DSCAM: variants seen among roughly 807,000 people sequenced by gnomAD.
The protein encoded by DSCAM is DS cell adhesion molecule.
Under a neutral mutation model 217.7 loss-of-function variants are expected in DSCAM, and 47 were observed. That is an observed-to-expected ratio of 0.22 (90% CI 0.17 to 0.28). The LOEUF (loss-of-function observed/expected upper bound fraction) is 0.28. Among genes scored for constraint, DSCAM ranks in the 10% least tolerant of loss-of-function variants. The probability of loss-of-function intolerance (pLI) is 1.00; values close to 1 mark genes in which losing one functional copy is unlikely to be tolerated. For synonymous variants in DSCAM, 1,056 were observed against 1,015.3 expected (o/e 1.04, Z -0.76); for missense variants, 2,080 against 2,618.3 (o/e 0.79, Z 4.49).
chr21:40,601,757 T>C (rs1352912288), intron 3 of DSCAM, among the ~76,000 whole-genome samples: 1 of 152,194 alleles, frequency 6.6e-6, no homozygotes, highest in Admixed American at 6.5e-5. Flanking sequence ...TTTGCATCTG[T>C]TGTTATGATC....
intron 1 of DSCAM, among the ~76,000 whole-genome samples, chr21:40,845,167 T>A (rs2092134056): frequency 6.6e-6 from 1 of 152,228 alleles, no homozygotes; most frequent in South Asian, 2.1e-4. Context: ...GGGTGTCTTG[T>A]CAGAACTTGT....
At chr21:40,818,086 G>A (rs1221672592) in intron 1 of DSCAM, among the ~76,000 whole-genome samples, 2 of 101,926 alleles carry the variant, frequency 2.0e-5, no homozygotes, top group Non-Finnish European at 3.5e-5. Flanking sequence ...CTGGGCGACA[G>A]AGCGAGACTC....
intron 3 of DSCAM, among the ~76,000 whole-genome samples, chr21:40,668,158 T>C (rs1397115132): frequency 6.6e-6 from 1 of 152,134 alleles, no homozygotes; most frequent in African/African-American, 2.4e-5. Context: ...TGTCTGAAAA[T>C]GACTCGTTGC....
At chr21:40,055,603 T>C (rs1475529612) in intron 29 of DSCAM, 122 bp downstream of exon 29, 3 of 692,330 alleles carry the variant, frequency 4.3e-6, no homozygotes, top group Non-Finnish European at 7.7e-6. Flanking sequence ...CCTTCTAGCT[T>C]TGGTACTCAC....
At chr21:40,746,003 T>C (rs1283730940) in intron 1 of DSCAM, among the ~76,000 whole-genome samples, 1 of 151,966 alleles carries the variant, frequency 6.6e-6, no homozygotes, top group Non-Finnish European at 1.5e-5. Flanking sequence ...GTTTTAACTA[T>C]AACATGATTT....
intron 15 of DSCAM, among the ~76,000 whole-genome samples, chr21:40,174,908 C>G (rs1164666990): frequency 6.6e-6 from 1 of 152,198 alleles, no homozygotes; most frequent in African/African-American, 2.4e-5. Flanking sequence ...GCACCTCAAG[C>G]TCCAGATGCA....
At chr21:40,493,035 AT>A (rs1251918896) in intron 3 of DSCAM, among the ~76,000 whole-genome samples, 3 of 152,204 alleles carry the variant, frequency 2.0e-5, no homozygotes, top group Non-Finnish European at 4.4e-5. Context: ...CTAGCAGCAG[AT>A]TCCTCAGAAG....
intron 11 of DSCAM, among the ~76,000 whole-genome samples, chr21:40,231,010 CT>C (rs372643343): frequency 1.6e-3 from 218 of 137,494 alleles, no homozygotes; most frequent in Middle Eastern, 3.9e-3. Flanking sequence ...CTCGATTATG[CT>C]TTTTTTTTTT....
chr21:40,753,881 A>G (rs2091251379), intron 1 of DSCAM, among the ~76,000 whole-genome samples: 2 of 152,238 alleles, frequency 1.3e-5, no homozygotes, highest in Admixed American at 6.5e-5. Flanking sequence ...TGTCACGAAC[A>G]AAAACTTACA....
chr21:40,839,290 T>G (rs1274802341), intron 1 of DSCAM, among the ~76,000 whole-genome samples: 1 of 152,202 alleles, frequency 6.6e-6, no homozygotes, highest in Non-Finnish European at 1.5e-5. Flanking sequence ...ATGGAGGGAC[T>G]TGTGATAATC....
intron 9 of DSCAM, among the ~76,000 whole-genome samples, chr21:40,300,049 T>G (rs577738225): frequency 6.6e-6 from 1 of 151,568 alleles, no homozygotes; most frequent in African/African-American, 2.4e-5. Context: ...TGCTTGCTTA[T>G]TAAAGAGAGG....
chr21:40,393,185 G>C (rs2075149604), intron 3 of DSCAM, among the ~76,000 whole-genome samples: 1 of 152,250 alleles, frequency 6.6e-6, no homozygotes, highest in South Asian at 2.1e-4. Context: ...GCCAAAGAAA[G>C]GTAATGATTT....
Position 40,798,100 on chromosome 21 carries a change from C to G in DSCAM, c.43+48519G>C, listed in dbSNP as rs1601278142. ...GCCGCTTTAAGATGAATCAGACTATCAAGTTAGCCAGCAGATTTAGGGTCA... is the reference window on the plus strand; with the variant it reads ...GCCGCTTTAAGATGAATCAGACTATGAAGTTAGCCAGCAGATTTAGGGTCA... On this transcript the variant is annotated intron_variant, in intron 1 of 32. Coordinates refer to ENST00000400454, the MANE Select transcript of DSCAM (RefSeq NM_001389.5). Among the ~76,000 whole-genome samples, 3 of 151,994 alleles carry G rather than the reference C, an allele frequency of 2.0e-5. No homozygotes were observed. The South Asian group carries it at 6.2e-4, about 32-fold the overall frequency.
chr21:40,240,352 T>G (rs1331063807), intron 11 of DSCAM, among the ~76,000 whole-genome samples: 7 of 126,158 alleles, frequency 5.5e-5, no homozygotes, highest in African/African-American at 1.6e-4. Flanking sequence ...CTCACTGGTT[T>G]TTTTTTTTTT....
At chr21:40,324,103 C>CAAAAAAAAAAAAAAAAAAAAAAAA (rs71330393) in intron 8 of DSCAM, among the ~76,000 whole-genome samples, 1 of 27,938 alleles carries the variant, frequency 3.6e-5, no homozygotes, top group Non-Finnish European at 6.0e-5. Context: ...AACTCTGTCT[C>CAAAAAAAAAAAAAAAAAAAAAAAA]AAAAAAAAAA....
intron 8 of DSCAM, among the ~76,000 whole-genome samples, chr21:40,317,292 CTGA>C (rs1363567362): frequency 2.0e-5 from 3 of 152,190 alleles, no homozygotes; most frequent in African/African-American, 7.2e-5. Flanking sequence ...CTGACCCAGT[CTGA>C]TACAGTTCTC....
At position 40,389,459 on chromosome 21, in the gene DSCAM, T is replaced by C. The variant is rs556118704; in HGVS notation, c.509-20214A>G. 4.6e-5 allele frequency among the ~76,000 whole-genome samples: 7 copies of C among 152,306 alleles called. No homozygotes were observed. The East Asian group carries it at 9.7e-4, about 21-fold the overall frequency. On this transcript the variant is annotated intron_variant, in intron 3 of 32. Coordinates refer to ENST00000400454, the MANE Select transcript of DSCAM (RefSeq NM_001389.5). ...CCACTGTATTTGGCCAGTACCACAA[T>C]AGATTATAGAAAATCTATGCTGAAT...
chr21:40,250,336 G>T (rs1403517833), intron 11 of DSCAM, among the ~76,000 whole-genome samples: 1 of 152,106 alleles, frequency 6.6e-6, no homozygotes, highest in Non-Finnish European at 1.5e-5. Flanking sequence ...ATGAATAAAG[G>T]GAGATGAAGG....
At chr21:40,419,119 C>T (rs1043954635) in intron 3 of DSCAM, among the ~76,000 whole-genome samples, 9 of 149,204 alleles carry the variant, frequency 6.0e-5, no homozygotes, top group African/African-American at 1.5e-4. Context: ...TACAGGTGCC[C>T]GCCACCATAC....
Sources: gnomAD v4.1 joint callset for allele counts (sites outside exome capture counted in the v4.1 genomes callset) on GRCh38, gnomAD v4.1.1 for gene constraint, MANE v1.5 for transcripts, NCBI Gene and HGNC (gene_info 2026-07-23, HGNC 2026-07-21) for gene names.